Variants in CFAP20DC observed in about 807,000 individuals in gnomAD.
CFAP20DC encodes CFAP20 domain containing.
CFAP20DC carries 84 observed loss-of-function variants against 101.7 expected under a neutral mutation model. The observed-to-expected ratio is 0.83, with a 90% CI of 0.69 to 0.99. The LOEUF is 0.99. CFAP20DC is among the 50% of genes least tolerant of loss of function. The pLI is 0.00. For synonymous variants in CFAP20DC, 359 were observed against 351.2 expected (o/e 1.02, Z -0.25); for missense variants, 1,007 against 970.3 (o/e 1.04, Z -0.50).
At chr3:58,929,559 T>C (rs2086358340) in intron 5 of CFAP20DC, among the ~76,000 whole-genome samples, 1 of 152,238 alleles carries the variant, frequency 6.6e-6, no homozygotes, top group Non-Finnish European at 1.5e-5. Context: ...TGGAGTCACA[T>C]TTAATGTTCA....
At chr3:58,834,888 T>C (rs1018937308) in intron 13 of CFAP20DC, among the ~76,000 whole-genome samples, 12 of 152,128 alleles carry the variant, frequency 7.9e-5, no homozygotes, top group Non-Finnish European at 1.6e-4. Flanking sequence ...AAATAGTATG[T>C]AGAGTACAAA....
intron 13 of CFAP20DC, among the ~76,000 whole-genome samples, chr3:58,834,540 G>A: frequency 6.6e-6 from 1 of 152,226 alleles, no homozygotes; most frequent in South Asian, 2.1e-4. Flanking sequence ...CTGGGTTCTA[G>A]GAGAGAAGAA....
chr3:58,783,589 C>T (rs2072041438), intron 15 of CFAP20DC, among the ~76,000 whole-genome samples: 1 of 151,888 alleles, frequency 6.6e-6, no homozygotes, highest in Non-Finnish European at 1.5e-5. Context: ...ATACAAAGAA[C>T]TCAGCAAGAA....
chr3:58,832,062 G>A (rs2076434536), intron 13 of CFAP20DC, among the ~76,000 whole-genome samples, 173 bp from the exon 14 acceptor site: 1 of 152,018 alleles, frequency 6.6e-6, no homozygotes, highest in Non-Finnish European at 1.5e-5. Context: ...CTGTCCATTT[G>A]CTCCTCACAT....
rs987397561 is a variant in CFAP20DC, at chr3:58,899,229, G to A, written c.550+14479C>T. On this transcript the variant is annotated intron_variant, in intron 6 of 16. Coordinates refer to ENST00000482387, the MANE Select transcript of CFAP20DC (RefSeq NM_001394063.1). The surrounding 1 kb of genome is among the most constrained non-coding windows in gnomAD (Gnocchi z 5.0). ...CTTTCTAGTAGTGCAGCTGTGCTGC[G>A]TTGTGGGAGACCCTTCCTTGTCCAG... Among the ~76,000 whole-genome samples the A allele has an allele frequency of 2.0e-5, 3 of 152,218 alleles. No homozygotes were observed. Among genetic ancestry groups the A allele is most frequent in the African/African-American group, 4.8e-5 (2 of 41,450 alleles).
chr3:58,980,842 G>C (rs975696033), intron 4 of CFAP20DC, among the ~76,000 whole-genome samples: 1 of 152,194 alleles, frequency 6.6e-6, no homozygotes, highest in Non-Finnish European at 1.5e-5. Flanking sequence ...CATAGTGTTG[G>C]AAGTTCTGGC....
Position 58,757,724 on chromosome 3 carries a change from C to T in CFAP20DC, c.2238-3861G>A, listed in dbSNP as rs114722220. 6.7e-3 allele frequency among the ~76,000 whole-genome samples: 1,020 copies of T among 151,936 alleles called. 14 individuals carry two copies. Among genetic ancestry groups the T allele is most frequent in the African/African-American group, 0.023 (970 of 41,438 alleles). ...TTCTGGTATATGGTGTGAGTTTGTT[C>T]TGGTATAAGGTATATCTAATTTTAC... On this transcript the variant is annotated intron_variant, in intron 15 of 16. Transcript: ENST00000482387.
intron 4 of CFAP20DC, among the ~76,000 whole-genome samples, chr3:58,998,777 G>A (rs1014152833): frequency 3.3e-5 from 5 of 152,156 alleles, no homozygotes; most frequent in Admixed American, 6.5e-5. Flanking sequence ...ACTCTGCACC[G>A]TAGAATGAAA....
chr3:58,780,211 G>A (rs1435994511), intron 15 of CFAP20DC, among the ~76,000 whole-genome samples: 1 of 152,086 alleles, frequency 6.6e-6, no homozygotes, highest in African/African-American at 2.4e-5. Flanking sequence ...TACAAGCAAT[G>A]CTTAAGGAAG....
chr3:58,933,301 A>C (rs900187450), intron 5 of CFAP20DC, among the ~76,000 whole-genome samples: 10 of 151,862 alleles, frequency 6.6e-5, no homozygotes, highest in African/African-American at 1.9e-4. Flanking sequence ...AAAGAGACTT[A>C]GACTCCCACA....
At chr3:58,828,949 T>A (rs1189824484) in intron 14 of CFAP20DC, among the ~76,000 whole-genome samples, 7 of 152,000 alleles carry the variant, frequency 4.6e-5, no homozygotes, top group African/African-American at 1.7e-4. Flanking sequence ...CAGCTGGATG[T>A]GGGATAAAGA....
chr3:58,861,653 G>A lies in CFAP20DC; in HGVS notation c.1593+1905C>T. 1 of 985,414 alleles carries A rather than the reference G, an allele frequency of 1.0e-6. No individual in the cohort carries two copies. Among genetic ancestry groups the A allele is most frequent in the Non-Finnish European group, 1.2e-6 (1 of 829,932 alleles). 61.0% of individuals were successfully genotyped at this position (985,414 alleles called of 1,614,324 possible). A position where few individuals can be genotyped will look rare whatever the true frequency, so the allele number is the denominator to read the frequency against. On this transcript the variant is annotated intron_variant, in intron 12 of 16. Transcript: ENST00000482387. This position sits in a 1 kb window ranked among gnomAD's most constrained non-coding sequence, Gnocchi z 4.0. ...TTGTATCTTAGCTTGTATCTCGTTA[G>A]TCTCTGTACCAGCAAACCCCAAAGC...
intron 15 of CFAP20DC, among the ~76,000 whole-genome samples, chr3:58,782,508 G>A (rs975179588): frequency 6.6e-6 from 1 of 151,998 alleles, no homozygotes; most frequent in East Asian, 1.9e-4. Flanking sequence ...GTTTGCTAAT[G>A]ATATAATCTT....
At chr3:59,023,569 T>C (rs2093841747) in intron 4 of CFAP20DC, among the ~76,000 whole-genome samples, 2 of 151,874 alleles carry the variant, frequency 1.3e-5, no homozygotes. Flanking sequence ...AGGAGTGGAA[T>C]GAATTATGGA....
At chr3:58,806,580 G>A (rs2074078258) in intron 14 of CFAP20DC, 124 bp from the exon 15 acceptor site, 2 of 719,006 alleles carry the variant, frequency 2.8e-6, no homozygotes, top group African/African-American at 1.8e-5. Flanking sequence ...GTATGGGTGG[G>A]AGGGCAGCCA....
intron 13 of CFAP20DC, among the ~76,000 whole-genome samples, chr3:58,843,594 A>T (rs1248369833): frequency 6.6e-6 from 1 of 151,984 alleles, no homozygotes; most frequent in African/African-American, 2.4e-5. Context: ...ACTCTGCAGG[A>T]TATTATCCAG....
intron 7 of CFAP20DC, among the ~76,000 whole-genome samples, chr3:58,879,303 A>AC (rs1559755942): frequency 6.6e-6 from 1 of 152,214 alleles, no homozygotes; most frequent in Non-Finnish European, 1.5e-5. Flanking sequence ...TGTACCCCAT[A>AC]AATTTGTACA....
chr3:58,956,068 A>G (rs895851157), intron 4 of CFAP20DC, among the ~76,000 whole-genome samples: 1 of 151,448 alleles, frequency 6.6e-6, no homozygotes. Context: ...AGGGCCTAAG[A>G]CTTGCTGACT....
intron 5 of CFAP20DC, among the ~76,000 whole-genome samples, chr3:58,934,387 A>C (rs1372489255): frequency 2.6e-5 from 4 of 152,300 alleles, no homozygotes; most frequent in Admixed American, 2.6e-4. Context: ...ATTCCAATCA[A>C]TAGAAAAAGA....
Sources: gnomAD v4.1 joint callset for allele counts (sites outside exome capture counted in the v4.1 genomes callset) on GRCh38, gnomAD v4.1.1 for gene constraint, Gnocchi (gnomAD v3.1) non-coding constraint, MANE v1.5 for transcripts, NCBI Gene and HGNC (gene_info 2026-07-23, HGNC 2026-07-21) for gene names.